Variants in ALG12 observed in about 807,000 individuals in gnomAD.
ALG12 encodes dol-P-Man:Man(7)GlcNAc(2)-PP-Dol alpha-1,6-mannosyltransferase.
In ALG12, 36 loss-of-function variants were observed where a neutral mutation model predicts 46.0. The observed-to-expected ratio is 0.78, with a 90% CI of 0.60 to 1.03. The LOEUF (loss-of-function observed/expected upper bound fraction) is 1.03. ALG12 is among the 50% of genes least tolerant of loss of function. The pLI, the probability that ALG12 is intolerant of heterozygous loss-of-function variation, is 0.00. For missense variants in ALG12, 599 were observed against 633.5 expected (o/e 0.95, Z 0.58); for synonymous variants, 326 against 291.6 (o/e 1.12, Z -1.20).
Position 49,910,015 on chromosome 22 carries a change from G to C in ALG12, c.543C>G (p.Ile181Met). 6.2e-7 allele frequency: 1 copy of C among 1,613,798 alleles called. No homozygotes were observed. The highest frequency in any genetic ancestry group is 8.5e-7 in the Non-Finnish European group (1 of 1,179,946). ...ACAGGCACAGCTCCACCCTGAACAC[G>C]ATGATGGCGAAGGCTGACAGCCAGA... ...RFIWLSAFAI[I>M]VFRVELCLFL... The change falls in exon 5 of 10, where the codon ATC becomes ATG. Residue 181 changes from isoleucine (I) to methionine (M), a missense_variant. Ile to Met is a conservative substitution (Grantham distance 10). Coordinates refer to ENST00000330817, the MANE Select transcript of ALG12 (RefSeq NM_024105.4).
At chr22:49,882,309 T>C in the ALG12 span, among the ~76,000 whole-genome samples, 1 of 152,202 alleles carries the variant, frequency 6.6e-6, no homozygotes, top group African/African-American at 2.4e-5. Context: ...TCCAGCACTT[T>C]GGGAGGCTGA....
chr22:49,914,944 G>A (rs964715271), intron 1 of ALG12, among the ~76,000 whole-genome samples: 5 of 152,234 alleles, frequency 3.3e-5, no homozygotes, highest in African/African-American at 1.2e-4. Context: ...GCCCAGGCTG[G>A]TATGGAATTC....
chr22:49,912,995 T>G (rs1413304533), intron 3 of ALG12, among the ~76,000 whole-genome samples: 1 of 152,226 alleles, frequency 6.6e-6, no homozygotes, highest in East Asian at 1.9e-4. Context: ...TGGTGGCCTC[T>G]GGGAATGTGA....
the ALG12 span, among the ~76,000 whole-genome samples, chr22:49,894,220 A>C: frequency 6.6e-6 from 1 of 152,328 alleles, no homozygotes; most frequent in East Asian, 1.9e-4. Context: ...GGTAACCGCT[A>C]AAAGCAATAA....
chr22:49,876,637 C>T, the ALG12 span, among the ~76,000 whole-genome samples: 1 of 151,998 alleles, frequency 6.6e-6, no homozygotes, highest in East Asian at 1.9e-4. Context: ...TTGTTTTTAG[C>T]CCTTTTCCTG....
chr22:49,909,002 G>A, intron 6 of ALG12, among the ~76,000 whole-genome samples: 1 of 152,104 alleles, frequency 6.6e-6, no homozygotes, highest in Non-Finnish European at 1.5e-5. Flanking sequence ...GAGAGGCTGG[G>A]GTAATCTGGG....
the ALG12 span, among the ~76,000 whole-genome samples, chr22:49,880,799 T>C: frequency 1.3e-5 from 2 of 152,240 alleles, no homozygotes; most frequent in South Asian, 2.1e-4. Flanking sequence ...TGGGATCATA[T>C]TGAATTTATA....
chr22:49,913,762 C>T lies in ALG12; in HGVS notation c.4G>A (p.Ala2Thr), dbSNP rs764878064. 1.2e-6 allele frequency: 2 copies of T among 1,613,438 alleles called. No individual in the cohort carries two copies. The highest frequency in any genetic ancestry group is 2.2e-5 in the East Asian group (1 of 44,890). Residue 2 changes from alanine to threonine, a missense_variant, in exon 2 of 10, where the codon GCT becomes ACT. Ala to Thr is a moderately conservative substitution (Grantham distance 58). Transcript: ENST00000330817. ...CGCCTGCCTGATGACCCCTTTCCAG[C>T]CATTCCAGGCTTTCAGCTTCACGTA... M[A>T]GKGSSGRRPL...
chr22:49,886,660 C>T, the ALG12 span: 1 of 1,607,252 alleles, frequency 6.2e-7, no homozygotes, highest in Non-Finnish European at 8.5e-7. This position sits in a 1 kb window ranked among gnomAD's most constrained non-coding sequence, Gnocchi z 7.7. Flanking sequence ...CCTCCACGAC[C>T]CGCGGTACGT....
At position 49,913,633 on chromosome 22, in the gene ALG12, G is replaced by C; in HGVS notation, c.133C>G (p.Leu45Val). 1 of 1,614,162 alleles carries C rather than the reference G, an allele frequency of 6.2e-7. No individual in the cohort carries two copies. The highest frequency in any genetic ancestry group is 8.5e-7 in the Non-Finnish European group (1 of 1,180,024). ...TCCAGGTCTTGCCAGTGGTAGAGCAGGTCATGTGTGGCCTGCAGGTTGAAG... is the reference window on the plus strand; with the variant it reads ...TCCAGGTCTTGCCAGTGGTAGAGCACGTCATGTGTGGCCTGCAGGTTGAAG... ...ESFNLQATHD[L>V]LYHWQDLEQY... Residue 45 changes from leucine to valine, a missense_variant, in exon 2 of 10, where the codon CTG (leucine) becomes GTG (valine). Physicochemically the swap from Leu to Val is conservative, Grantham distance 32. Transcript: ENST00000330817.
the ALG12 span, among the ~76,000 whole-genome samples, chr22:49,876,983 CTGA>C: frequency 6.6e-6 from 1 of 152,192 alleles, no homozygotes; most frequent in Non-Finnish European, 1.5e-5. Context: ...TCAGATGACT[CTGA>C]TGTTAGTTCT....
At chr22:49,884,804 G>C in the ALG12 span, 1 of 1,610,108 alleles carries the variant, frequency 6.2e-7, no homozygotes. Flanking sequence ...AAGCCGGTCA[G>C]AGAGTCCCCT....
At chr22:49,887,477 T>G in the ALG12 span, 2 of 278,664 alleles carry the variant, frequency 7.2e-6, no homozygotes, top group Admixed American at 9.5e-5. Flanking sequence ...GTTAGTAATT[T>G]GTTTTACTAG....
chr22:49,886,517 C>T, the ALG12 span: 1 of 1,568,398 alleles, frequency 6.4e-7, no homozygotes, highest in Non-Finnish European at 8.6e-7. The surrounding 1 kb of genome is among the most constrained non-coding windows in gnomAD (Gnocchi z 7.7). Context: ...ACGCAGATGT[C>T]CACCCTCAGC....
At position 49,903,354 on chromosome 22, in the gene ALG12, G is replaced by C. The variant is rs77163946; in HGVS notation, c.*484C>G. ...AAAGTTGCAGTGGTGGCACCAGGGT[G>C]GGGGGGTGCGGCCGGGGCCACCATG... On this transcript the variant is annotated 3_prime_UTR_variant, in exon 10 of 10. Transcript: ENST00000330817. 20 of 456,368 alleles carry C rather than the reference G, an allele frequency of 4.4e-5. No individual in the cohort carries two copies. The highest frequency in any genetic ancestry group is 8.1e-4 in the Middle Eastern group (2 of 2,482). 28.3% of individuals were successfully genotyped at this position (456,368 alleles called of 1,614,324 possible). A position where few individuals can be genotyped will look rare whatever the true frequency, so the allele number is the denominator to read the frequency against.
chr22:49,886,230 C>T, the ALG12 span: 1 of 915,622 alleles, frequency 1.1e-6, no homozygotes, highest in Non-Finnish European at 1.7e-6. This position sits in a 1 kb window ranked among gnomAD's most constrained non-coding sequence, Gnocchi z 7.7. Flanking sequence ...CCCGGAAGAT[C>T]TGCGAGCGGG....
At chr22:49,913,907 C>A (rs2060596029) in intron 1 of ALG12, 64 bp from the exon 2 acceptor site, 3 of 1,070,158 alleles carry the variant, frequency 2.8e-6, no homozygotes, top group Non-Finnish European at 4.2e-6. Context: ...TTTGGGAGAT[C>A]CGGGTAAAGG....
At chr22:49,898,006 AT>A (rs2060490503), downstream of ALG12, among the ~76,000 whole-genome samples, 1 of 151,200 alleles carries the variant, frequency 6.6e-6, no homozygotes, top group South Asian at 2.1e-4. Flanking sequence ...TTCTTTGTAT[AT>A]ATTGGATACC....
the ALG12 span, among the ~76,000 whole-genome samples, chr22:49,878,301 C>CAAAAAA: frequency 2.8e-5 from 3 of 107,174 alleles, no homozygotes; most frequent in Admixed American, 2.1e-4. Context: ...GACACTGTCT[C>CAAAAAA]AAAAAAAAAA....
Sources: allele counts gnomAD v4.1 joint callset (sites outside exome capture counted in the v4.1 genomes callset), GRCh38; gene constraint gnomAD v4.1.1; non-coding constraint Gnocchi (gnomAD v3.1); transcripts MANE v1.5; gene names NCBI Gene and HGNC (gene_info 2026-07-23, HGNC 2026-07-21).